Variants in TRMT2B observed in about 807,000 individuals in gnomAD.
TRMT2B encodes the protein tRNA (uracil-5-)-methyltransferase homolog B.
In TRMT2B, 34 loss-of-function variants were observed where a neutral mutation model predicts 39.7. The ratio of observed to expected loss-of-function variants is 0.86; its 90% CI spans 0.65 to 1.14. The LOEUF is 1.14. Ranked by LOEUF, TRMT2B falls within the 50% of genes most tolerant of loss-of-function variation. The probability of loss-of-function intolerance (pLI) is 0.00; values close to 1 mark genes in which losing one functional copy is unlikely to be tolerated. For synonymous variants in TRMT2B, 132 were observed against 137.3 expected (o/e 0.96, Z 0.27); for missense variants, 318 against 377.2 (o/e 0.84, Z 1.30).
At position 101,042,309 on chromosome X, in the gene TRMT2B, C is replaced by T; in HGVS notation, c.-20G>A. ...TGCCATCCAAAGAACACACTGAAAT[C>T]CACCTGCATGAAAGGTACACATACA... On this transcript the variant is annotated 5_prime_UTR_variant, in exon 3 of 14. Coordinates refer to ENST00000372936, the MANE Select transcript of TRMT2B (RefSeq NM_024917.6). The T allele has an allele frequency of 8.3e-7, 1 of 1,201,192 alleles. No individual in the cohort carries two copies. Among genetic ancestry groups the T allele is most frequent in the Non-Finnish European group, 1.1e-6 (1 of 889,728 alleles).
chrX:101,032,946 C>T (rs1436850109), intron 7 of TRMT2B, among the ~76,000 whole-genome samples: 1 of 110,587 alleles, frequency 9.0e-6, no homozygotes, highest in Non-Finnish European at 1.9e-5. Context: ...TCTGACAGAT[C>T]TTATAAAGCA....
At chrX:101,000,116 A>G in the TRMT2B span, among the ~76,000 whole-genome samples, 5 of 86,910 alleles carry the variant, frequency 5.8e-5, no homozygotes, top group South Asian at 5.4e-4. Context: ...CATGTATGAG[A>G]GTTAATTTTT....
At chrX:100,999,350 G>T in the TRMT2B span, among the ~76,000 whole-genome samples, 1 of 112,787 alleles carries the variant, frequency 8.9e-6, no homozygotes, top group East Asian at 2.8e-4. Context: ...TAATTGGCAA[G>T]TACTAAGGGA....
chrX:100,974,010 A>G, the TRMT2B span: 1 of 620,082 alleles, frequency 1.6e-6, no homozygotes, highest in Non-Finnish European at 2.6e-6. Context: ...TTTATGGTAC[A>G]TGCATTGAGA....
chrX:101,017,462 T>G (rs2086584148), intron 13 of TRMT2B, among the ~76,000 whole-genome samples: 1 of 111,855 alleles, frequency 8.9e-6, no homozygotes, highest in Non-Finnish European at 1.9e-5. Context: ...TTTTATACAT[T>G]GACATATAAT....
the TRMT2B span, among the ~76,000 whole-genome samples, chrX:100,994,899 G>A: frequency 9.0e-6 from 1 of 111,666 alleles, no homozygotes; most frequent in Non-Finnish European, 1.9e-5. Context: ...GCATCCCAAA[G>A]TGCTGAGACT....
At position 101,021,267 on chromosome X, in the gene TRMT2B, A is replaced by T. The variant is rs1388280846; in HGVS notation, c.900T>A (p.Phe300Leu). Residue 300 changes from phenylalanine (F) to leucine (L), a missense_variant, in exon 10 of 14, where the codon TTT becomes TTA. By Grantham distance (22) the Phe-to-Leu change is conservative (BLOSUM62 0). Coordinates refer to ENST00000372936, the MANE Select transcript of TRMT2B (RefSeq NM_024917.6). ...GTTCTTCAAAGATGTAGGGTTCCCC[A>T]AACAGAAGCTGATAGGGAGACTGCT... ...SHQQSPYQLL[F>L]GEPYIFEELL... 8.3e-7 allele frequency: 1 copy of T among 1,211,839 alleles called. No individual in the cohort carries two copies. The highest frequency in any genetic ancestry group is 3.0e-5 in the East Asian group (1 of 33,850).
intron 7 of TRMT2B, among the ~76,000 whole-genome samples, chrX:101,032,705 G>A (rs190451176): frequency 0.042 from 4,444 of 105,452 alleles, 290 homozygotes; most frequent in African/African-American, 0.15. Context: ...GAACCTGGAA[G>A]GTGGAGGTTG....
chrX:101,020,993 A>G, intron 10 of TRMT2B, 108 bp downstream of exon 10: 1 of 692,092 alleles, frequency 1.4e-6, no homozygotes. Context: ...TTAGACCGAC[A>G]AGGTTATACC....
downstream of TRMT2B, among the ~76,000 whole-genome samples, chrX:101,005,880 CAAAAAAAAAAAAAAA>C (rs370275736): frequency 1.6e-5 from 1 of 64,267 alleles, no homozygotes; most frequent in Non-Finnish European, 2.9e-5. Context: ...GATTCCCACT[CAAAAAAAAAAAAAAA>C]AAAAAAAAAG....
chrX:101,014,081 C>T (rs1037107461), intron 13 of TRMT2B, among the ~76,000 whole-genome samples: 2 of 110,982 alleles, frequency 1.8e-5, no homozygotes, highest in African/African-American at 6.6e-5. Context: ...AGCAAGACTC[C>T]ATCCCCCGCA....
chrX:101,034,648 GA>G (rs923109452), intron 7 of TRMT2B, among the ~76,000 whole-genome samples: 1 of 108,567 alleles, frequency 9.2e-6, no homozygotes. Context: ...AAGCAAAATG[GA>G]AAAAAAAAGA....
intron 13 of TRMT2B, among the ~76,000 whole-genome samples, chrX:101,012,843 G>T (rs1202326142): frequency 9.1e-6 from 1 of 109,350 alleles, no homozygotes; most frequent in Admixed American, 9.8e-5. Context: ...TTTTGAGACG[G>T]AGTCTCACTC....
chrX:100,980,006 C>T, the TRMT2B span, among the ~76,000 whole-genome samples: 3 of 110,948 alleles, frequency 2.7e-5, no homozygotes, highest in African/African-American at 9.9e-5. Context: ...GATACAAGCA[C>T]TCTTGTGGCC....
intron 6 of TRMT2B, 76 bp from the exon 7 acceptor site, chrX:101,035,759 T>C: frequency 1.1e-6 from 1 of 912,930 alleles, no homozygotes; most frequent in South Asian, 2.0e-5. Flanking sequence ...CAACTCAAAT[T>C]TCTATCGTCA....
At chrX:100,992,438 G>A in the TRMT2B span, among the ~76,000 whole-genome samples, 10 of 110,680 alleles carry the variant, frequency 9.0e-5, no homozygotes, top group South Asian at 1.2e-3. Flanking sequence ...AAAATTAGCC[G>A]GGCATGGTGG....
Position 101,024,756 on chromosome X carries a change from G to A in TRMT2B, c.610-1140C>T, listed in dbSNP as rs562898545. ...GAGAATTGCTTGAACCCAGGAGGCG[G>A]GTTGCAGTGAGCCAAGATCGCACCA... On this transcript the variant is annotated intron_variant, in intron 7 of 13. Coordinates refer to ENST00000372936, the MANE Select transcript of TRMT2B (RefSeq NM_024917.6). Among the ~76,000 whole-genome samples, 4 of 110,808 alleles carry A rather than the reference G, an allele frequency of 3.6e-5. No individual in the cohort carries two copies. In the South Asian group the frequency reaches 1.5e-3, roughly 43 times the overall value.
intron 7 of TRMT2B, among the ~76,000 whole-genome samples, chrX:101,024,467 G>A (rs1220959789): frequency 9.0e-6 from 1 of 111,488 alleles, no homozygotes; most frequent in Non-Finnish European, 1.9e-5. Flanking sequence ...AGGCCAACGT[G>A]GGAGGATTGC....
At chrX:100,989,383 G>A in the TRMT2B span, among the ~76,000 whole-genome samples, 2 of 110,189 alleles carry the variant, frequency 1.8e-5, no homozygotes, top group South Asian at 3.9e-4. Context: ...AGGCTGAGGC[G>A]GGCGGATCAT....
Sources: gnomAD v4.1 joint callset for allele counts (sites outside exome capture counted in the v4.1 genomes callset) on GRCh38, gnomAD v4.1.1 for gene constraint, MANE v1.5 for transcripts, NCBI Gene and HGNC (gene_info 2026-07-23, HGNC 2026-07-21) for gene names.